The following ANKRD36B variants were observed in gnomAD, a reference collection of about 807,000 sequenced individuals.
ANKRD36B encodes the protein ankyrin repeat domain 36B, also known as ankyrin repeat domain-containing protein 36B.
ANKRD36B carries 37 observed loss-of-function variants against 135.7 expected under a neutral mutation model. The ratio of observed to expected loss-of-function variants is 0.27; its 90% CI spans 0.21 to 0.36. The LOEUF (loss-of-function observed/expected upper bound fraction) is 0.36, where lower values mean the gene tolerates loss of function less well. Ranked by LOEUF, ANKRD36B falls within the 10% of genes least tolerant of loss-of-function variation. The pLI, the probability that ANKRD36B is intolerant of heterozygous loss-of-function variation, is 1.00. For missense variants in ANKRD36B, 549 were observed against 1,037.1 expected (o/e 0.53, Z 6.46); for synonymous variants, 179 against 348.1 (o/e 0.51, Z 5.41).
intron 43 of ANKRD36B, among the ~76,000 whole-genome samples, chr2:97,506,758 T>C (rs1050128799): frequency 3.3e-5 from 3 of 91,526 alleles, no homozygotes; most frequent in Non-Finnish European, 6.9e-5. Context: ...TGATAGTCTA[T>C]AGGGGTGGCA....
Position 97,527,292 on chromosome 2 carries a change from C to G in ANKRD36B, c.2266-3825G>C, listed in dbSNP as rs148119682. Among the ~76,000 whole-genome samples, 2 of 93,712 alleles carry G rather than the reference C, an allele frequency of 2.1e-5. 1 individual carries two copies. Among genetic ancestry groups the G allele is most frequent in the African/African-American group, 6.5e-5 (2 of 30,978 alleles). The allele number at this position is 93,712 out of a possible 152,430, so 61.5% of individuals were successfully genotyped here. On this transcript the variant is annotated intron_variant, in intron 35 of 43. Coordinates refer to ENST00000359901, the MANE Select transcript of ANKRD36B (RefSeq NM_001393939.1). Reference sequence around the variant, plus strand: ...AGAATTTTCAACCCAGAATTTTGTACCCAGCCAAACTAAGCTTCATAAGTG... The same window carrying G: ...AGAATTTTCAACCCAGAATTTTGTAGCCAGCCAAACTAAGCTTCATAAGTG...
At chr2:97,572,313 T>C (rs1403621234) in intron 6 of ANKRD36B, among the ~76,000 whole-genome samples, 2 of 148,558 alleles carry the variant, frequency 1.3e-5, no homozygotes, top group East Asian at 2.0e-4. Flanking sequence ...AACTTATATA[T>C]AGATGGTTAA....
At chr2:97,573,423 T>A (rs2082017630) in intron 6 of ANKRD36B, among the ~76,000 whole-genome samples, 1 of 152,138 alleles carries the variant, frequency 6.6e-6, no homozygotes, top group Non-Finnish European at 1.5e-5. Flanking sequence ...TCCATGCTCA[T>A]GGATAGGAAG....
At chr2:97,535,485 A>AAG (rs753939881) in intron 34 of ANKRD36B, among the ~76,000 whole-genome samples, 9 of 67,224 alleles carry the variant, frequency 1.3e-4, no homozygotes, top group African/African-American at 4.3e-4. Context: ...CAAAAAAATA[A>AAG]AACACACACA....
Position 97,566,736 on chromosome 2 carries a change from C to T in ANKRD36B, c.764-5876G>A, listed in dbSNP as rs533769394. ...AATGAACCAGGTGCAGCTAGAACAG[C>T]AGTCCCCCTTATCTGCTGTATGTGT... is the stretch of plus-strand genomic sequence containing the variant. On this transcript the variant is annotated intron_variant, in intron 6 of 43. Transcript: ENST00000359901. Among the ~76,000 whole-genome samples the T allele has an allele frequency of 3.2e-3, 486 of 152,198 alleles. 6 individuals carry two copies. Among genetic ancestry groups the T allele is most frequent in the Non-Finnish European group, 3.0e-3 (202 of 68,018 alleles).
chr2:97,586,804 TAATC>T (rs1180288378), intron 1 of ANKRD36B, among the ~76,000 whole-genome samples: 1 of 152,112 alleles, frequency 6.6e-6, no homozygotes, highest in African/African-American at 2.4e-5. Flanking sequence ...CATAATAAAA[TAATC>T]AAGCACAAAT....
At chr2:97,563,816 A>G (rs1024336714) in intron 6 of ANKRD36B, among the ~76,000 whole-genome samples, 5 of 152,138 alleles carry the variant, frequency 3.3e-5, no homozygotes, top group African/African-American at 7.2e-5. Flanking sequence ...TTCTAATATA[A>G]TACAAATCAA....
chr2:97,547,259 C>T (rs2079554058), intron 22 of ANKRD36B: 1 of 343,092 alleles, frequency 2.9e-6, no homozygotes, highest in Non-Finnish European at 5.4e-6. Context: ...AGAATTAAAG[C>T]AAAATTATGT....
chr2:97,551,660 A>G (rs2080081472), intron 16 of ANKRD36B, among the ~76,000 whole-genome samples, 180 bp from the exon 17 acceptor site: 1 of 151,960 alleles, frequency 6.6e-6, no homozygotes, highest in Non-Finnish European at 1.5e-5. Flanking sequence ...AAGGAAACAC[A>G]GGCTCCGTGA....
At chr2:97,582,272 C>G (rs1010394818) in intron 3 of ANKRD36B, among the ~76,000 whole-genome samples, 3 of 151,968 alleles carry the variant, frequency 2.0e-5, no homozygotes, top group Non-Finnish European at 4.4e-5. Flanking sequence ...TAAAACACCA[C>G]CATCTAAATT....
chr2:97,566,124 G>A (rs1461844660), intron 6 of ANKRD36B, among the ~76,000 whole-genome samples: 1 of 150,772 alleles, frequency 6.6e-6, no homozygotes, highest in Admixed American at 6.6e-5. Context: ...GACCAGCCTG[G>A]CCAAACATGG....
rs2079820033 is a variant in ANKRD36B, at chr2:97,549,403, C to G, written c.1477+16G>C. 1.9e-6 allele frequency: 3 copies of G among 1,548,408 alleles called. No individual in the cohort carries two copies. The highest frequency in any genetic ancestry group is 2.6e-6 in the Non-Finnish European group (3 of 1,146,918). On this transcript the variant is annotated intron_variant, in intron 20 of 43. Coordinates refer to ENST00000359901, the MANE Select transcript of ANKRD36B (RefSeq NM_001393939.1). ...ATCTGGACTGAACATGACATTAAAT[C>G]TGTTTTCAAAATTACCTGTCCTAGA... is the stretch of plus-strand genomic sequence containing the variant.
chr2:97,523,347 G>C lies in ANKRD36B; in HGVS notation c.2386C>G (p.Gln796Glu). The change falls in exon 36 of 44, where the codon CAA becomes GAA. Residue 796 changes from glutamine to glutamate, a missense_variant. Physicochemically the swap from Gln to Glu is conservative, Grantham distance 29. Coordinates refer to ENST00000359901, the MANE Select transcript of ANKRD36B (RefSeq NM_001393939.1). The stretch of plus-strand genomic sequence containing the variant: ...CTACCTTTACACTTCATTTCATGTT[G>C]ATCAATGAGTAATATGACATTCTTA... ...NCKNVILLIDQHEMKCKDCVH... is the reference protein window; with the variant it reads ...NCKNVILLIDEHEMKCKDCVH... 1 of 507,588 alleles carries C rather than the reference G, an allele frequency of 2.0e-6. No homozygotes were observed. Among genetic ancestry groups the C allele is most frequent in the East Asian group, 3.6e-5 (1 of 28,110 alleles). 31.4% of individuals were successfully genotyped at this position (507,588 alleles called of 1,614,324 possible). A position where few individuals can be genotyped will look rare whatever the true frequency, so the allele number is the denominator to read the frequency against.
chr2:97,580,771 CT>C (rs1036971201), intron 3 of ANKRD36B, among the ~76,000 whole-genome samples: 2 of 120,774 alleles, frequency 1.7e-5, no homozygotes, highest in African/African-American at 6.6e-5. Context: ...CACAAGAACT[CT>C]GGTCATCTCC....
chr2:97,576,770 T>C (rs2082262434), intron 5 of ANKRD36B, among the ~76,000 whole-genome samples: 1 of 151,920 alleles, frequency 6.6e-6, no homozygotes, highest in East Asian at 1.9e-4. Context: ...TTGCTTCTCT[T>C]AGGCACAATG....
At chr2:97,516,207 A>AC (rs1402051196) in intron 36 of ANKRD36B, among the ~76,000 whole-genome samples, 1 of 63,744 alleles carries the variant, frequency 1.6e-5, no homozygotes, top group African/African-American at 4.6e-5. Flanking sequence ...AAAAAAAAAA[A>AC]AAAAAAACAT....
chr2:97,588,348 T>C (rs1442494814), intron 1 of ANKRD36B, among the ~76,000 whole-genome samples: 1 of 151,904 alleles, frequency 6.6e-6, no homozygotes, highest in African/African-American at 2.4e-5. Context: ...TTTTCGCCAT[T>C]ACTTGTAATT....
intron 12 of ANKRD36B, among the ~76,000 whole-genome samples, chr2:97,556,243 A>C (rs1234095240): frequency 6.6e-6 from 1 of 151,916 alleles, no homozygotes; most frequent in Non-Finnish European, 1.5e-5. Flanking sequence ...ATAACTAATA[A>C]AAAATATATG....
At chr2:97,573,338 T>C (rs1326740830) in intron 6 of ANKRD36B, among the ~76,000 whole-genome samples, 1 of 152,112 alleles carries the variant, frequency 6.6e-6, no homozygotes, top group Non-Finnish European at 1.5e-5. Context: ...GTTGGTTCCA[T>C]GTCTTTGCTA....
Sources: allele counts gnomAD v4.1 joint callset (sites outside exome capture counted in the v4.1 genomes callset), GRCh38; gene constraint gnomAD v4.1.1; transcripts MANE v1.5; gene names NCBI Gene and HGNC (gene_info 2026-07-23, HGNC 2026-07-21).